Variants in PPP6R2 observed in about 807,000 individuals in gnomAD.
PPP6R2 encodes serine/threonine-protein phosphatase 6 regulatory subunit 2.
PPP6R2 carries 62 observed loss-of-function variants against 100.2 expected under a neutral mutation model. The observed-to-expected ratio is 0.62, with a 90% CI of 0.50 to 0.76. The LOEUF is 0.76. Among genes scored for constraint, PPP6R2 ranks in the 30% least tolerant of loss-of-function variants. The pLI, the probability that PPP6R2 is intolerant of heterozygous loss-of-function variation, is 0.00. For synonymous variants in PPP6R2, 525 were observed against 514.7 expected, an observed-to-expected ratio of 1.02 and a Z score of -0.27; for missense variants, 1,142 against 1,276.3, an observed-to-expected ratio of 0.89 and a Z score of 1.60.
At position 50,414,703 on chromosome 22, in the gene PPP6R2, TCC is replaced by T. The variant is rs60172550; in HGVS notation, c.552+21_552+22del. 3.1e-6 allele frequency: 5 copies of T among 1,604,848 alleles called. No homozygotes were observed. The highest frequency in any genetic ancestry group is 1.7e-5 in the Admixed American group (1 of 59,328). On this transcript the variant is annotated intron_variant, in intron 5 of 23. Coordinates refer to ENST00000612753, the MANE Select transcript of PPP6R2 (RefSeq NM_001242898.2). The stretch of plus-strand genomic sequence containing the variant: ...GACGTCCTGCACGTGAGTGCGGGAG[TCC>T]CCCCCCGTTCCCGAGGGCAGGGGTG...
intron 3 of PPP6R2, among the ~76,000 whole-genome samples, chr22:50,399,052 CCTGA>C (rs1430766874): frequency 6.6e-6 from 1 of 152,016 alleles, no homozygotes; most frequent in East Asian, 1.9e-4. Flanking sequence ...TGGAGACCAT[CCTGA>C]CTAACACGGT....
chr22:50,399,128 T>C (rs1054513916), intron 3 of PPP6R2, among the ~76,000 whole-genome samples: 3 of 152,034 alleles, frequency 2.0e-5, no homozygotes, highest in Non-Finnish European at 2.9e-5. Context: ...GTGCCTGTAG[T>C]CCCAGCTACT....
intron 1 of PPP6R2, among the ~76,000 whole-genome samples, chr22:50,358,722 C>T (rs968087932): frequency 6.6e-6 from 1 of 152,048 alleles, no homozygotes; most frequent in Non-Finnish European, 1.5e-5. Context: ...ATCCATCTTG[C>T]TTTAATTTTT....
At chr22:50,442,688 T>A (rs982500959) in intron 22 of PPP6R2, among the ~76,000 whole-genome samples, 3 of 152,056 alleles carry the variant, frequency 2.0e-5, no homozygotes, top group Non-Finnish European at 2.9e-5. Context: ...TAGCTGGGAC[T>A]ACAGGCATCC....
At position 50,409,739 on chromosome 22, in the gene PPP6R2, A is replaced by G. The variant is rs966269991; in HGVS notation, c.414+2864A>G. 2.1e-4 allele frequency among the ~76,000 whole-genome samples: 31 copies of G among 151,032 alleles called. 1 individual carries two copies. Among genetic ancestry groups the G allele is most frequent in the Admixed American group, 2.0e-3 (31 of 15,136 alleles). ...CCGCGCCCGGCCGACGATGATGATG[A>G]TTTTTGAGATGGAGTTTTGCTTTGT... On this transcript the variant is annotated intron_variant, in intron 4 of 23. Coordinates refer to ENST00000612753, the MANE Select transcript of PPP6R2 (RefSeq NM_001242898.2).
rs1569493709 is a variant in PPP6R2 at position 50,438,166 on chromosome 22, C to T, written c.1840-8C>T. 1.2e-6 allele frequency: 2 copies of T among 1,607,326 alleles called. No individual in the cohort carries two copies. The highest frequency in any genetic ancestry group is 4.5e-5 in the East Asian group (2 of 44,850). ...TCTGGAAACTCACCTTGGCGTTTTA[C>T]TCTGCAGCCCAGCGCAGCTCTGTTT... On this transcript the variant is annotated splice_polypyrimidine_tract_variant and splice_region_variant and intron_variant, in intron 17 of 23. Transcript: ENST00000612753.
chr22:50,377,014 G>A (rs1055258269), intron 2 of PPP6R2, among the ~76,000 whole-genome samples: 3 of 152,082 alleles, frequency 2.0e-5, no homozygotes, highest in African/African-American at 7.2e-5. Context: ...GCAACAGAGC[G>A]AGACTCCGTC....
chr22:50,358,739 G>A (rs980036415), intron 1 of PPP6R2, among the ~76,000 whole-genome samples: 20 of 152,042 alleles, frequency 1.3e-4, no homozygotes, highest in African/African-American at 4.1e-4. Context: ...TTTTGTGTGT[G>A]ATGTGAGGTG....
chr22:50,393,145 T>A (rs1270171306), intron 2 of PPP6R2, among the ~76,000 whole-genome samples: 4 of 152,122 alleles, frequency 2.6e-5, no homozygotes, highest in Admixed American at 6.5e-5. Context: ...AGAGCTGGGA[T>A]GTTTGGGAAG....
chr22:50,376,535 G>GTC (rs2051596796), intron 2 of PPP6R2, among the ~76,000 whole-genome samples: 1 of 152,064 alleles, frequency 6.6e-6, no homozygotes, highest in Non-Finnish European at 1.5e-5. Context: ...TGATCCTTCT[G>GTC]TCTCAGCCTT....
chr22:50,427,924 A>G (rs2334097), intron 10 of PPP6R2, among the ~76,000 whole-genome samples: 59,178 of 151,414 alleles, frequency 0.39, 12,405 homozygotes, highest in East Asian at 0.76. Flanking sequence ...GTTTCACCAT[A>G]TTAGCCAGGA....
chr22:50,366,617 T>G (rs2048821874), intron 1 of PPP6R2, among the ~76,000 whole-genome samples: 1 of 152,158 alleles, frequency 6.6e-6, no homozygotes, highest in Non-Finnish European at 1.5e-5. Context: ...CTCATCTTTT[T>G]GAGTGATGCT....
chr22:50,385,529 T>C (rs2054038314), intron 2 of PPP6R2, among the ~76,000 whole-genome samples: 1 of 150,436 alleles, frequency 6.6e-6, no homozygotes, highest in Non-Finnish European at 1.5e-5. Context: ...TTTTTTCCTT[T>C]TTTGAGACGA....
At chr22:50,338,881 GTGT>G (rs1218460642), upstream of PPP6R2, among the ~76,000 whole-genome samples, 1 of 142,134 alleles carries the variant, frequency 7.0e-6, no homozygotes, top group South Asian at 2.4e-4. Context: ...TGTAGTGTGT[GTGT>G]TATGTGGGGT....
At chr22:50,392,857 C>CA (rs2055929280) in intron 2 of PPP6R2, among the ~76,000 whole-genome samples, 1 of 152,182 alleles carries the variant, frequency 6.6e-6, no homozygotes, top group Non-Finnish European at 1.5e-5. Context: ...GCTTTACAGT[C>CA]AGACAAACCT....
intron 3 of PPP6R2, among the ~76,000 whole-genome samples, chr22:50,397,180 A>C (rs1603173063): frequency 6.6e-6 from 1 of 152,180 alleles, no homozygotes; most frequent in African/African-American, 2.4e-5. Context: ...AAGTAAGCAA[A>C]GATGCCCTGA....
chr22:50,431,311 G>A lies in PPP6R2; in HGVS notation c.1264G>A (p.Glu422Lys). The A allele has an allele frequency of 1.2e-6, 2 of 1,613,348 alleles. No homozygotes were observed. The highest frequency in any genetic ancestry group is 2.2e-5 in the East Asian group (1 of 44,884). The change falls in exon 11 of 24, where the codon GAG becomes AAG. Residue 422 changes from glutamate (E) to lysine (K), a missense_variant. By Grantham distance (56) the Glu-to-Lys change is moderately conservative. Coordinates refer to ENST00000612753, the MANE Select transcript of PPP6R2 (RefSeq NM_001242898.2). This position sits in a 1 kb window ranked among gnomAD's most constrained non-coding sequence, Gnocchi z 4.8. Reference protein sequence around the residue: ...GSESRVEPPHENGNRSLETPQ... With the variant: ...GSESRVEPPHKNGNRSLETPQ... ...CGAGAGCAGGGTGGAGCCTCCGCAT[G>A]AGAACGGGAACCGGAGCCTGGAGAC...
At chr22:50,369,282 T>A (rs2049458212) in intron 1 of PPP6R2, among the ~76,000 whole-genome samples, 1 of 146,292 alleles carries the variant, frequency 6.8e-6, no homozygotes, top group South Asian at 2.2e-4. Flanking sequence ...GAAAACTGTA[T>A]AAAGTTTTAG....
At chr22:50,359,781 G>A (rs1230098245) in intron 1 of PPP6R2, among the ~76,000 whole-genome samples, 1 of 152,116 alleles carries the variant, frequency 6.6e-6, no homozygotes, top group East Asian at 1.9e-4. Flanking sequence ...AAATATTTGT[G>A]TGTGACTTTC....
Sources: gnomAD v4.1 joint callset for allele counts (sites outside exome capture counted in the v4.1 genomes callset) on GRCh38, gnomAD v4.1.1 for gene constraint, Gnocchi (gnomAD v3.1) non-coding constraint, MANE v1.5 for transcripts, NCBI Gene and HGNC (gene_info 2026-07-23, HGNC 2026-07-21) for gene names.